CFAP100: variants seen among roughly 807,000 people sequenced by gnomAD.
CFAP100 encodes cilia and flagella associated protein 100, also known as cilia- and flagella-associated protein 100.
In CFAP100, 70 loss-of-function variants were observed where a neutral mutation model predicts 81.5. The observed-to-expected ratio is 0.86, with a 90% CI of 0.71 to 1.05. The LOEUF is 1.05. Among genes scored for constraint, CFAP100 ranks in the 50% least tolerant of loss-of-function variants. The probability of loss-of-function intolerance (pLI) is 0.00; values close to 1 mark genes in which losing one functional copy is unlikely to be tolerated. For synonymous variants in CFAP100, 341 were observed against 314.8 expected (o/e 1.08, Z -0.88); for missense variants, 811 against 776.5 (o/e 1.04, Z -0.53).
chr3:126,432,848 C>T, intron 13 of CFAP100: 1 of 419,420 alleles, frequency 2.4e-6, no homozygotes, highest in Non-Finnish European at 4.2e-6. Flanking sequence ...CTCAATGAAG[C>T]TGTTTATTTT....
intron 14 of CFAP100, chr3:126,433,540 A>T (rs948059028): frequency 3.7e-6 from 1 of 266,958 alleles, no homozygotes; most frequent in African/African-American, 2.2e-5. Flanking sequence ...GAATTGGGAG[A>T]GAAGAGAAAG....
intron 16 of CFAP100, among the ~76,000 whole-genome samples, chr3:126,435,872 C>T (rs1933425298): frequency 6.6e-6 from 1 of 152,178 alleles, no homozygotes. Context: ...CCAGGCTGAG[C>T]CTGGTTCAGC....
chr3:126,435,746 C>T (rs1933421442), intron 16 of CFAP100, 94 bp downstream of exon 16: 2 of 961,632 alleles, frequency 2.1e-6, no homozygotes, highest in Admixed American at 2.5e-5. Flanking sequence ...GATGCTACCA[C>T]TCTGAAGGCA....
Position 126,420,012 on chromosome 3 carries a change from TG to T in CFAP100, c.949del (p.Ala317ProfsTer26). 6.2e-7 allele frequency: 1 copy of T among 1,613,196 alleles called. No homozygotes were observed. Among genetic ancestry groups the T allele is most frequent in the Non-Finnish European group, 8.5e-7 (1 of 1,179,972 alleles). Reference sequence around the variant, plus strand: ...GATCAAGGGCAAGGCGAGCTCCATGTGGGCCAAAGGTGAGCTGCCGCCCCCA... The same window carrying T: ...GATCAAGGGCAAGGCGAGCTCCATGTGGCCAAAGGTGAGCTGCCGCCCCCA... ...PGIKGKASSM[W>X]AKEGQGTKKP... On this transcript the variant is annotated frameshift_variant, in exon 10 of 17. Coordinates refer to ENST00000352312, the MANE Select transcript of CFAP100 (RefSeq NM_182628.3). LOFTEE classifies it high-confidence loss of function.
chr3:126,418,128 A>C, intron 5 of CFAP100: 2 of 289,106 alleles, frequency 6.9e-6, no homozygotes, highest in African/African-American at 2.2e-5. Context: ...GCCTGTGGCT[A>C]TTAAGTCCAG....
chr3:126,398,863 G>T (rs2082929277), intron 2 of CFAP100, among the ~76,000 whole-genome samples: 1 of 152,204 alleles, frequency 6.6e-6, no homozygotes, highest in South Asian at 2.1e-4. Flanking sequence ...GGCACAGAGG[G>T]CCATGAGACG....
intron 4 of CFAP100, among the ~76,000 whole-genome samples, chr3:126,415,570 C>A (rs1005153989): frequency 6.6e-6 from 1 of 152,158 alleles, no homozygotes; most frequent in African/African-American, 2.4e-5. Flanking sequence ...GGGCCTCAGG[C>A]TGGACCCATT....
intron 14 of CFAP100, 35 bp downstream of exon 14, chr3:126,433,239 G>T: frequency 1.2e-6 from 2 of 1,612,004 alleles, no homozygotes; most frequent in Non-Finnish European, 1.7e-6. Context: ...GAGGCCCAGG[G>T]TAAGGAGGGA....
rs756769555 is a variant in CFAP100 at position 126,416,344 on chromosome 3, T to C, written c.254T>C (p.Val85Ala). 3.1e-6 allele frequency: 5 copies of C among 1,601,172 alleles called. No individual in the cohort carries two copies. The highest frequency in any genetic ancestry group is 3.4e-5 in the Admixed American group (2 of 59,038). ...SERQQQKTMR[V>A]HQKMTYSSKV... ...CGGCAGCAGCAGAAGACGATGCGGG[T>C]GCACCAGAAGATGACCTACTCCTCG... Residue 85 changes from valine to alanine, a missense_variant, in exon 5 of 17, where the codon GTG becomes GCG. By Grantham distance (64) the Val-to-Ala change is moderately conservative (BLOSUM62 0). Coordinates refer to ENST00000352312, the MANE Select transcript of CFAP100 (RefSeq NM_182628.3).
intron 2 of CFAP100, among the ~76,000 whole-genome samples, chr3:126,401,588 G>C (rs1040961772): frequency 6.6e-6 from 1 of 151,616 alleles, no homozygotes; most frequent in East Asian, 1.9e-4. Flanking sequence ...TAGACAGGGG[G>C]ATCAGGAAGG....
chr3:126,398,452 G>A (rs1363970324), intron 2 of CFAP100, among the ~76,000 whole-genome samples: 2 of 152,248 alleles, frequency 1.3e-5, no homozygotes, highest in Non-Finnish European at 2.9e-5. Context: ...GGAGAGGCTT[G>A]CCCCTGCTGA....
At chr3:126,399,037 C>T (rs2082931485) in intron 2 of CFAP100, among the ~76,000 whole-genome samples, 1 of 152,164 alleles carries the variant, frequency 6.6e-6, no homozygotes, top group Non-Finnish European at 1.5e-5. Context: ...TCCCCAGTTT[C>T]CCTGGGACTC....
chr3:126,428,925 A>G (rs1163843947), intron 13 of CFAP100, among the ~76,000 whole-genome samples: 1 of 151,870 alleles, frequency 6.6e-6, no homozygotes, highest in Non-Finnish European at 1.5e-5. Context: ...TGGCCAACAT[A>G]GTGAAACCCT....
rs755237057 is a variant in CFAP100 at position 126,419,978 on chromosome 3, A to G, written c.914-2A>G. On this transcript the variant is annotated splice_acceptor_variant, in intron 9 of 16. Coordinates refer to ENST00000352312, the MANE Select transcript of CFAP100 (RefSeq NM_182628.3). LOFTEE classifies it high-confidence loss of function. ...TCGGGGCCCCCCCTTTGCTTCCTGC[A>G]GGACCAGGGATCAAGGGCAAGGCGA... The G allele has an allele frequency of 6.2e-6, 10 of 1,613,086 alleles. No individual in the cohort carries two copies. Among genetic ancestry groups the G allele is most frequent in the Non-Finnish European group, 7.6e-6 (9 of 1,179,954 alleles).
intron 2 of CFAP100, among the ~76,000 whole-genome samples, chr3:126,400,059 A>T (rs1052377953): frequency 2.6e-5 from 4 of 152,022 alleles, no homozygotes; most frequent in African/African-American, 9.7e-5. Flanking sequence ...TCCTTCCCCA[A>T]CCCCTCCACT....
chr3:126,430,387 G>A (rs1362908132), intron 13 of CFAP100, among the ~76,000 whole-genome samples: 2 of 152,126 alleles, frequency 1.3e-5, no homozygotes, highest in African/African-American at 4.8e-5. Flanking sequence ...CTAGTATAAA[G>A]ACAAATATTT....
intron 2 of CFAP100, among the ~76,000 whole-genome samples, chr3:126,400,630 T>C (rs1177724847): frequency 6.6e-6 from 1 of 152,074 alleles, no homozygotes; most frequent in Non-Finnish European, 1.5e-5. Flanking sequence ...CGGGCACCTG[T>C]AGTCCCAACT....
chr3:126,423,143 T>C (rs1009301540), intron 11 of CFAP100, among the ~76,000 whole-genome samples, 182 bp from the exon 12 acceptor site: 7 of 152,292 alleles, frequency 4.6e-5, no homozygotes, highest in East Asian at 1.9e-4. Context: ...AACTATCCCC[T>C]GGCTGCAGTG....
intron 4 of CFAP100, among the ~76,000 whole-genome samples, chr3:126,415,339 A>C (rs1247727769): frequency 9.2e-5 from 7 of 75,922 alleles, no homozygotes; most frequent in African/African-American, 3.7e-4. Context: ...CCCACCCAGC[A>C]GGGTCTCCCA....
Sources: allele counts gnomAD v4.1 joint callset (sites outside exome capture counted in the v4.1 genomes callset), GRCh38; gene constraint gnomAD v4.1.1; transcripts MANE v1.5; gene names NCBI Gene and HGNC (gene_info 2026-07-23, HGNC 2026-07-21).